Variants in ABCC11 observed in about 807,000 individuals in gnomAD.
ABCC11 encodes ATP-binding cassette sub-family C member 11.
Under a neutral mutation model 149.3 loss-of-function variants are expected in ABCC11, and 135 were observed. The observed-to-expected ratio is 0.90, with a 90% CI of 0.79 to 1.04. ABCC11 has a LOEUF of 1.04. Among genes scored for constraint, ABCC11 ranks in the 50% least tolerant of loss-of-function variants. The pLI, the probability that ABCC11 is intolerant of heterozygous loss-of-function variation, is 0.00. For missense variants in ABCC11, 1,680 were observed against 1,722.1 expected, an observed-to-expected ratio of 0.98 and a Z score of 0.43; for synonymous variants, 665 against 671.4, an observed-to-expected ratio of 0.99 and a Z score of 0.15.
chr16:48,217,215 A>G (rs1315209929), intron 6 of ABCC11, among the ~76,000 whole-genome samples: 4 of 152,086 alleles, frequency 2.6e-5, no homozygotes, highest in African/African-American at 7.2e-5. Flanking sequence ...GATTCTATTC[A>G]TTCTACTACT....
chr16:48,240,233 A>C (rs1970897163), intron 1 of ABCC11, among the ~76,000 whole-genome samples: 1 of 152,040 alleles, frequency 6.6e-6, no homozygotes, highest in Non-Finnish European at 1.5e-5. Context: ...ACGTATGTTC[A>C]CTGCAGCACT....
chr16:48,194,084 C>G, intron 18 of ABCC11, 102 bp from the exon 19 acceptor site: 1 of 810,014 alleles, frequency 1.2e-6, no homozygotes, highest in Non-Finnish European at 2.0e-6. Context: ...CTTGGAAACC[C>G]TTGAGCCCCA....
chr16:48,186,697 A>G (rs1017003283), intron 22 of ABCC11, among the ~76,000 whole-genome samples: 1 of 152,262 alleles, frequency 6.6e-6, no homozygotes, highest in Admixed American at 6.5e-5. Context: ...GTATGTATAC[A>G]TATGTCCATA....
chr16:48,195,975 T>C (rs75201312), intron 18 of ABCC11, among the ~76,000 whole-genome samples: 3 of 151,964 alleles, frequency 2.0e-5, no homozygotes, highest in African/African-American at 7.3e-5. Flanking sequence ...GTCTATTCTA[T>C]TTTTTTTAAT....
At chr16:48,167,414 T>C in intron 29 of ABCC11, 48 bp from the exon 30 acceptor site, 1 of 1,577,932 alleles carries the variant, frequency 6.3e-7, no homozygotes, top group Non-Finnish European at 8.7e-7. Context: ...CAGCTGAGCT[T>C]GTGTCCTTGG....
chr16:48,195,639 T>C (rs1383430923), intron 18 of ABCC11, among the ~76,000 whole-genome samples: 1 of 152,228 alleles, frequency 6.6e-6, no homozygotes, highest in Admixed American at 6.5e-5. Context: ...TATATACCAT[T>C]TAATAAGGCA....
intron 2 of ABCC11, among the ~76,000 whole-genome samples, chr16:48,230,879 C>G (rs943305442): frequency 6.6e-6 from 1 of 152,040 alleles, no homozygotes; most frequent in Non-Finnish European, 1.5e-5. Context: ...AATGAGGGAC[C>G]AAGTCACTCT....
rs774785973 is a variant in ABCC11, at chr16:48,187,305, G to C, written c.2829C>G (p.Val943=). The part of the protein sequence containing the change: ...LLPIFSEQFL[V]LSLMVIAVLL... ...GGACGGCGATCACCATTAAGGACAG[G>C]ACCAGGAACTGCTCTGAAAAGATGG... is the stretch of plus-strand genomic sequence containing the variant. The change falls in exon 21 of 30, where the codon GTC becomes GTG. Residue 943 remains valine (V), a synonymous_variant. Coordinates refer to ENST00000356608, the MANE Select transcript of ABCC11 (RefSeq NM_001370497.1). The C allele has an allele frequency of 2.5e-5, 40 of 1,614,078 alleles. No individual in the cohort carries two copies. Among genetic ancestry groups the C allele is most frequent in the Non-Finnish European group, 3.2e-5 (38 of 1,180,052 alleles).
Position 48,186,997 on chromosome 16 carries a change from C to G in ABCC11, c.3027G>C (p.Leu1009=), listed in dbSNP as rs771985842. ...TTTTTCCATAGACATGGATGGAGCTCAGGCCTTGCAGAGAATTGAGGATGT... is the reference window on the plus strand; with the variant it reads ...TTTTTCCATAGACATGGATGGAGCTGAGGCCTTGCAGAGAATTGAGGATGT... ...FSHILNSLQG[L]SSIHVYGKTE... Residue 1009 remains leucine, a synonymous_variant, in exon 22 of 30, where the codon CTG becomes CTC. Transcript: ENST00000356608. 3.7e-6 allele frequency: 6 copies of G among 1,614,050 alleles called. No individual in the cohort carries two copies. Among genetic ancestry groups the G allele is most frequent in the Non-Finnish European group, 4.2e-6 (5 of 1,180,042 alleles).
rs1030888368 is a variant in ABCC11 at position 48,183,802 on chromosome 16, A to G, written c.3258+638T>C. Among the ~76,000 whole-genome samples, 4 of 152,288 alleles carry G rather than the reference A, an allele frequency of 2.6e-5. No individual in the cohort carries two copies. In the South Asian group the frequency reaches 8.3e-4, roughly 32 times the overall value. On this transcript the variant is annotated intron_variant, in intron 23 of 29. Transcript: ENST00000356608. ...AAATTAGATTCCAAGACCCCAGCTC[A>G]GGACCAGACTCAGAATCTCTATGGC...
chr16:48,167,527 C>T lies in ABCC11; in HGVS notation c.4025G>A (p.Cys1342Tyr), dbSNP rs1330855403. 2 of 1,614,052 alleles carry T rather than the reference C, an allele frequency of 1.2e-6. No individual in the cohort carries two copies. The highest frequency in any genetic ancestry group is 1.7e-6 in the Non-Finnish European group (2 of 1,180,028). The part of the protein sequence containing the change: ...IAHRVTTVLN[C>Y]DHILVMGNGK... Reference sequence around the variant, plus strand: ...ATTGCCCATAACCAGGATGTGGTCACAGTTCAGCACAGTGGTGACACGGTG... The same window carrying T: ...ATTGCCCATAACCAGGATGTGGTCATAGTTCAGCACAGTGGTGACACGGTG... The change falls in exon 29 of 30, where the codon TGT (cysteine) becomes TAT (tyrosine). Residue 1342 changes from cysteine to tyrosine, a missense_variant. Transcript: ENST00000356608.
At chr16:48,204,460 T>C (rs1968261305) in intron 13 of ABCC11, among the ~76,000 whole-genome samples, 1 of 152,196 alleles carries the variant, frequency 6.6e-6, no homozygotes, top group Non-Finnish European at 1.5e-5. Context: ...ACAGGCTTAT[T>C]CACGATCGGT....
At chr16:48,170,035 A>T (rs1965604016) in intron 28 of ABCC11, 70 bp downstream of exon 28, 1 of 1,256,308 alleles carries the variant, frequency 8.0e-7, no homozygotes, top group South Asian at 1.3e-5. Flanking sequence ...AGGGAGAGGG[A>T]GCCGGTGTGG....
intron 22 of ABCC11, among the ~76,000 whole-genome samples, chr16:48,184,994 G>A (rs1475647807): frequency 2.0e-5 from 3 of 152,198 alleles, no homozygotes; most frequent in African/African-American, 7.2e-5. Flanking sequence ...GGGATGATGG[G>A]ATATCTGAAA....
intron 6 of ABCC11, among the ~76,000 whole-genome samples, chr16:48,220,750 T>A (rs1358148036): frequency 6.6e-6 from 1 of 152,184 alleles, no homozygotes; most frequent in African/African-American, 2.4e-5. Flanking sequence ...ATACCTAATG[T>A]TTGTTAGTGC....
intron 11 of ABCC11, chr16:48,210,625 C>T (rs894920374): frequency 1.9e-5 from 6 of 311,874 alleles, no homozygotes; most frequent in Admixed American, 8.8e-5. Context: ...TTGGCACATA[C>T]GAGGAATGTA....
intron 2 of ABCC11, 144 bp from the exon 3 acceptor site, chr16:48,230,717 G>C: frequency 1.0e-6 from 1 of 998,544 alleles, no homozygotes. Context: ...GAATAAGCAG[G>C]GGACCGAGAG....
chr16:48,227,641 T>G (rs899770717), intron 4 of ABCC11, among the ~76,000 whole-genome samples, 165 bp downstream of exon 4: 2 of 152,080 alleles, frequency 1.3e-5, no homozygotes, highest in East Asian at 3.9e-4. Flanking sequence ...AGGAGATTCA[T>G]GAACCCCACG....
At chr16:48,172,595 T>C (rs1035615393) in intron 26 of ABCC11, among the ~76,000 whole-genome samples, 2 of 152,206 alleles carry the variant, frequency 1.3e-5, no homozygotes, top group Non-Finnish European at 2.9e-5. Context: ...GCCCAGCTAA[T>C]TTTTGTTTAC....
Sources: gnomAD v4.1 joint callset for allele counts (sites outside exome capture counted in the v4.1 genomes callset) on GRCh38, gnomAD v4.1.1 for gene constraint, MANE v1.5 for transcripts, NCBI Gene and HGNC (gene_info 2026-07-23, HGNC 2026-07-21) for gene names.